Variants in SHC3 observed in about 807,000 individuals in gnomAD.
SHC3 encodes SHC adaptor protein 3.
SHC3 carries 15 observed loss-of-function variants against 60.4 expected under a neutral mutation model. That is an observed-to-expected ratio of 0.25 (90% confidence interval 0.17 to 0.38). The LOEUF (loss-of-function observed/expected upper bound fraction) is 0.38, where lower values mean the gene tolerates loss of function less well. Among genes scored for constraint, SHC3 ranks in the 10% least tolerant of loss-of-function variants. The pLI, the probability that SHC3 is intolerant of heterozygous loss-of-function variation, is 1.00. For synonymous variants in SHC3, 294 were observed against 325.9 expected (o/e 0.90, Z 1.05); for missense variants, 677 against 786.1 (o/e 0.86, Z 1.66).
intron 1 of SHC3, among the ~76,000 whole-genome samples, chr9:89,126,766 A>G (rs1214475545): frequency 3.3e-5 from 5 of 152,162 alleles, no homozygotes; most frequent in Non-Finnish European, 7.4e-5. Flanking sequence ...GATTCATTGG[A>G]AAAAGGATTT....
At chr9:89,097,543 C>T (rs971274564) in intron 2 of SHC3, among the ~76,000 whole-genome samples, 22 of 152,328 alleles carry the variant, frequency 1.4e-4, no homozygotes, top group Non-Finnish European at 1.3e-4. Flanking sequence ...ATAACTTCTT[C>T]GCATGGAGTT....
In SHC3 at chr9:89,178,451, G is replaced by T; in HGVS notation, c.10C>A (p.Arg4Ser). 6.9e-7 allele frequency: 1 copy of T among 1,449,944 alleles called. No individual in the cohort carries two copies. Among genetic ancestry groups the T allele is most frequent in the Non-Finnish European group, 9.2e-7 (1 of 1,091,742 alleles). The allele number at this position is 1,449,944 out of a possible 1,614,324, so 89.8% of individuals were successfully genotyped here. ...TTCCTGAAGCGGTTATACTTGGTGC[G>T]TGGAAGCATGCCCCTCCGTGGGCTC... The part of the protein sequence containing the change: MLP[R>S]TKYNRFRNDS... Residue 4 changes from arginine to serine, a missense_variant, in exon 1 of 12, where the codon CGC becomes AGC. Transcript: ENST00000375835. The surrounding 1 kb of genome is among the most constrained non-coding windows in gnomAD (Gnocchi z 6.9).
At position 89,038,170 on chromosome 9, in the gene SHC3, T is replaced by G. The variant is rs769465962; in HGVS notation, c.1479A>C (p.Glu493Asp). 24 of 1,613,862 alleles carry G rather than the reference T, an allele frequency of 1.5e-5. No individual in the cohort carries two copies. Among genetic ancestry groups the G allele is most frequent in the Non-Finnish European group, 1.8e-5 (21 of 1,179,988 alleles). ...CTTGGTACCAAGTCTCGGCTTGCAGTTCCTCCAGCATCTTGGCATCTGGGG... is the reference window on the plus strand; with the variant it reads ...CTTGGTACCAAGTCTCGGCTTGCAGGTCCTCCAGCATCTTGGCATCTGGGG... ...PRAPDAKMLEELQAETWYQGE... is the reference protein window; with the variant it reads ...PRAPDAKMLEDLQAETWYQGE... The change falls in exon 11 of 12, where the codon GAA (glutamate) becomes GAC (aspartate). Residue 493 changes from glutamate (E) to aspartate (D), a missense_variant. Transcript: ENST00000375835.
intron 1 of SHC3, among the ~76,000 whole-genome samples, chr9:89,170,818 T>C (rs1353329839): frequency 6.6e-6 from 1 of 152,200 alleles, no homozygotes; most frequent in African/African-American, 2.4e-5. Context: ...ATAATAGATA[T>C]TCGTAATCTA....
intron 2 of SHC3, among the ~76,000 whole-genome samples, chr9:89,080,041 A>AATATTTAGATGCCTGG (rs1482055582): frequency 6.6e-6 from 1 of 152,230 alleles, no homozygotes; most frequent in Non-Finnish European, 1.5e-5. Context: ...TAATAACTGC[A>AATATTTAGATGCCTGG]ATATTTAGAT....
intron 10 of SHC3, 98 bp from the exon 11 acceptor site, chr9:89,038,386 A>G: frequency 7.6e-7 from 1 of 1,318,402 alleles, no homozygotes; most frequent in Non-Finnish European, 1.0e-6. Context: ...TGGAAATGCA[A>G]AGGCAACTCC....
At chr9:89,067,885 T>A (rs1310620340) in intron 5 of SHC3, among the ~76,000 whole-genome samples, 1 of 152,230 alleles carries the variant, frequency 6.6e-6, no homozygotes, top group Non-Finnish European at 1.5e-5. Flanking sequence ...AGAAGTTTAT[T>A]TTTAATTTGT....
chr9:89,081,822 C>T (rs1825448806), intron 2 of SHC3, among the ~76,000 whole-genome samples: 1 of 152,156 alleles, frequency 6.6e-6, no homozygotes. Context: ...CTCCTCTCCT[C>T]CCTCCCTAAG....
intron 10 of SHC3, among the ~76,000 whole-genome samples, chr9:89,041,261 A>G (rs1824682715): frequency 6.6e-6 from 1 of 152,216 alleles, no homozygotes; most frequent in African/African-American, 2.4e-5. Context: ...TCCTCAGTCT[A>G]TATGACAAAC....
At chr9:89,043,256 C>T (rs1056179974) in intron 9 of SHC3, among the ~76,000 whole-genome samples, 1 of 152,184 alleles carries the variant, frequency 6.6e-6, no homozygotes, top group African/African-American at 2.4e-5. Flanking sequence ...AAGTGTCGTG[C>T]TAACATTCCC....
chr9:89,160,792 G>A (rs1826693153), intron 1 of SHC3, among the ~76,000 whole-genome samples: 1 of 152,224 alleles, frequency 6.6e-6, no homozygotes, highest in Non-Finnish European at 1.5e-5. Flanking sequence ...TCAAGGGCCT[G>A]CTAATAATGC....
intron 10 of SHC3, among the ~76,000 whole-genome samples, chr9:89,039,393 T>A (rs1824637551): frequency 6.6e-6 from 1 of 152,226 alleles, no homozygotes; most frequent in African/African-American, 2.4e-5. Context: ...CTTTGACAGA[T>A]TTGGAGATAA....
chr9:89,089,926 G>C (rs564353012), intron 2 of SHC3, among the ~76,000 whole-genome samples: 1 of 152,216 alleles, frequency 6.6e-6, no homozygotes, highest in Non-Finnish European at 1.5e-5. Flanking sequence ...GAGGCCTGCC[G>C]GGCAGGGCCG....
chr9:89,061,012 C>G (rs983889019), intron 6 of SHC3, among the ~76,000 whole-genome samples: 6 of 152,140 alleles, frequency 3.9e-5, no homozygotes, highest in Non-Finnish European at 7.3e-5. Context: ...CAAGTGGAGA[C>G]ACAGAGCTGG....
intron 6 of SHC3, among the ~76,000 whole-genome samples, chr9:89,064,722 A>C (rs899281560): frequency 5.3e-5 from 8 of 152,074 alleles, no homozygotes. Context: ...AAATATATCC[A>C]AGGTATAGCA....
At chr9:89,137,476 T>C (rs926542403) in intron 1 of SHC3, among the ~76,000 whole-genome samples, 2 of 152,168 alleles carry the variant, frequency 1.3e-5, no homozygotes, top group Non-Finnish European at 2.9e-5. Context: ...AAATTGATGG[T>C]ACAATTGTGG....
chr9:89,156,440 C>CTCCT (rs1554702043), intron 1 of SHC3, among the ~76,000 whole-genome samples: 1 of 152,102 alleles, frequency 6.6e-6, no homozygotes, highest in Non-Finnish European at 1.5e-5. Flanking sequence ...TAAAACAGAG[C>CTCCT]AGGAACCCCT....
intron 6 of SHC3, among the ~76,000 whole-genome samples, chr9:89,063,375 G>A (rs1394179264): frequency 5.9e-5 from 9 of 152,184 alleles, no homozygotes; most frequent in South Asian, 2.1e-4. Context: ...TGATCTGCCC[G>A]CCTCGGCCTC....
At chr9:89,132,773 T>G (rs1035289554) in intron 1 of SHC3, among the ~76,000 whole-genome samples, 7 of 152,114 alleles carry the variant, frequency 4.6e-5, no homozygotes, top group African/African-American at 1.7e-4. Flanking sequence ...ATGGATTAAA[T>G]ACTTAAATGT....
Sources: allele counts gnomAD v4.1 joint callset (sites outside exome capture counted in the v4.1 genomes callset), GRCh38; gene constraint gnomAD v4.1.1; non-coding constraint Gnocchi (gnomAD v3.1); transcripts MANE v1.5; gene names NCBI Gene and HGNC (gene_info 2026-07-23, HGNC 2026-07-21).